DPYD: variants seen among roughly 807,000 people sequenced by gnomAD.
The protein encoded by DPYD is dihydropyrimidine dehydrogenase, also known as dihydropyrimidine dehydrogenase [NADP(+)].
In DPYD, 109 loss-of-function variants were observed where a neutral mutation model predicts 116.2. The observed-to-expected ratio is 0.94, with a 90% CI of 0.80 to 1.10. The LOEUF (loss-of-function observed/expected upper bound fraction) is 1.10. Among genes scored for constraint, DPYD ranks in the 50% least tolerant of loss-of-function variants. The pLI, the probability that DPYD is intolerant of heterozygous loss-of-function variation, is 0.00. For synonymous variants in DPYD, 440 were observed against 432.0 expected (o/e 1.02, Z -0.23); for missense variants, 1,302 against 1,254.5 (o/e 1.04, Z -0.57).
At chr1:97,420,901 T>G (rs183561747) in intron 14 of DPYD, among the ~76,000 whole-genome samples, 1 of 152,314 alleles carries the variant, frequency 6.6e-6, no homozygotes, top group Non-Finnish European at 1.5e-5. Context: ...ATTAATACTC[T>G]GAACTACTAT....
chr1:97,414,885 T>C lies in DPYD; in HGVS notation c.1906-32424A>G, dbSNP rs560956879. 5.1e-4 allele frequency among the ~76,000 whole-genome samples: 77 copies of C among 152,358 alleles called. No individual in the cohort carries two copies. In the East Asian group the frequency reaches 9.5e-3, roughly 19 times the overall value. ...TTCCATCTATTCATCCTAAATAACA[T>C]TGTCAGCAAATCTTTTTTTTAGGCA... On this transcript the variant is annotated intron_variant, in intron 14 of 22. Transcript: ENST00000370192.
At chr1:97,596,241 T>G (rs373979966) in intron 8 of DPYD, among the ~76,000 whole-genome samples, 2 of 152,132 alleles carry the variant, frequency 1.3e-5, no homozygotes, top group African/African-American at 4.8e-5. Context: ...AAACTCTGTA[T>G]AGTATAATTC....
chr1:97,698,890 C>A (rs1203814003), intron 6 of DPYD, among the ~76,000 whole-genome samples: 2 of 151,762 alleles, frequency 1.3e-5, no homozygotes, highest in Non-Finnish European at 2.9e-5. Context: ...TACATGCTGA[C>A]AAAATTTTAA....
chr1:97,623,728 T>G (rs1656762646), intron 8 of DPYD, among the ~76,000 whole-genome samples: 1 of 151,712 alleles, frequency 6.6e-6, no homozygotes. Context: ...GATTTCAAAC[T>G]ATACAACAAA....
At chr1:97,808,680 G>T (rs1668200524) in intron 3 of DPYD, among the ~76,000 whole-genome samples, 1 of 151,960 alleles carries the variant, frequency 6.6e-6, no homozygotes, top group African/African-American at 2.4e-5. Flanking sequence ...TGGTCAGAAC[G>T]AACATCCTTG....
intron 12 of DPYD, among the ~76,000 whole-genome samples, chr1:97,543,271 A>G (rs1405483038): frequency 1.3e-5 from 2 of 152,152 alleles, no homozygotes; most frequent in Non-Finnish European, 2.9e-5. Context: ...TAACCACTAT[A>G]TTATACTGCT....
intron 13 of DPYD, 73 bp downstream of exon 13, chr1:97,515,653 C>T: frequency 7.5e-7 from 1 of 1,341,118 alleles, no homozygotes; most frequent in Non-Finnish European, 1.0e-6. Flanking sequence ...TAAAAAAAAT[C>T]CATTATAATG....
intron 19 of DPYD, among the ~76,000 whole-genome samples, chr1:97,203,427 C>T (rs1286406647): frequency 1.5e-5 from 2 of 135,696 alleles, no homozygotes; most frequent in African/African-American, 2.8e-5. Flanking sequence ...AGTCATAATG[C>T]CTAGAGAGAA....
chr1:97,862,387 A>G (rs922791131), intron 2 of DPYD, among the ~76,000 whole-genome samples: 1 of 151,906 alleles, frequency 6.6e-6, no homozygotes, highest in African/African-American at 2.4e-5. Context: ...AAGCTGAGAA[A>G]TCCAATTAAA....
chr1:97,249,985 A>G (rs1233966744), intron 18 of DPYD, among the ~76,000 whole-genome samples: 1 of 152,102 alleles, frequency 6.6e-6, no homozygotes, highest in African/African-American at 2.4e-5. Flanking sequence ...AAAATGATAA[A>G]TCACGGCCAG....
At chr1:97,392,586 T>C (rs1171005463) in intron 14 of DPYD, among the ~76,000 whole-genome samples, 1 of 152,068 alleles carries the variant, frequency 6.6e-6, no homozygotes, top group South Asian at 2.1e-4. Context: ...TTCAATCCTC[T>C]TAAATCTCTA....
intron 3 of DPYD, among the ~76,000 whole-genome samples, chr1:97,808,776 A>C (rs990143701): frequency 6.6e-6 from 1 of 151,280 alleles, no homozygotes; most frequent in Non-Finnish European, 1.5e-5. Flanking sequence ...CATAATCTTT[A>C]AAAAATATAA....
chr1:97,911,527 A>G (rs1184857759), intron 1 of DPYD, among the ~76,000 whole-genome samples: 1 of 152,056 alleles, frequency 6.6e-6, no homozygotes, highest in Non-Finnish European at 1.5e-5. Context: ...GTGGGAGAAA[A>G]ATGTGTTGAG....
intron 2 of DPYD, among the ~76,000 whole-genome samples, chr1:97,845,803 C>T (rs1457691936): frequency 2.0e-5 from 3 of 152,156 alleles, no homozygotes; most frequent in East Asian, 3.9e-4. Context: ...CTCTGTGGCT[C>T]CTGACATTTC....
At chr1:97,446,505 A>T (rs1676094858) in intron 14 of DPYD, among the ~76,000 whole-genome samples, 1 of 152,168 alleles carries the variant, frequency 6.6e-6, no homozygotes, top group South Asian at 2.1e-4. Flanking sequence ...TTAACCGAGG[A>T]AGTGTTTTTT....
intron 13 of DPYD, among the ~76,000 whole-genome samples, chr1:97,513,075 C>T (rs1647925322): frequency 6.6e-6 from 1 of 151,660 alleles, no homozygotes; most frequent in African/African-American, 2.4e-5. Context: ...AATAATATTT[C>T]TGTTTACTGA....
At chr1:97,326,773 T>C (rs931566978) in intron 16 of DPYD, among the ~76,000 whole-genome samples, 1 of 151,990 alleles carries the variant, frequency 6.6e-6, no homozygotes, top group Non-Finnish European at 1.5e-5. Flanking sequence ...GAAATTAATA[T>C]TTGCAAACAT....
chr1:97,516,709 TG>T lies in DPYD; in HGVS notation c.1525-769del, dbSNP rs1258000123. ...AATAAAAACACTTACTCTTAGCACA[TG>T]GCACACTGAAACATCATACATAGGT... is the stretch of plus-strand genomic sequence containing the variant. On this transcript the variant is annotated intron_variant, in intron 12 of 22. Coordinates refer to ENST00000370192, the MANE Select transcript of DPYD (RefSeq NM_000110.4). Among the ~76,000 whole-genome samples, 5 of 152,060 alleles carry T rather than the reference TG, an allele frequency of 3.3e-5. 1 individual carries two copies. Among genetic ancestry groups the T allele is most frequent in the Non-Finnish European group, 7.4e-5 (5 of 67,978 alleles).
chr1:97,708,120 GC>G (rs1488383890), intron 5 of DPYD, among the ~76,000 whole-genome samples: 8 of 151,946 alleles, frequency 5.3e-5, no homozygotes, highest in Admixed American at 2.6e-4. Flanking sequence ...ACAGGTACAT[GC>G]CACCACACCC....
Sources: allele counts gnomAD v4.1 joint callset (sites outside exome capture counted in the v4.1 genomes callset), GRCh38; gene constraint gnomAD v4.1.1; transcripts MANE v1.5; gene names NCBI Gene and HGNC (gene_info 2026-07-23, HGNC 2026-07-21).